Variants in LRP1B observed in about 807,000 individuals in gnomAD.
The protein encoded by LRP1B is LDL receptor related protein 1B.
LRP1B carries 217 observed loss-of-function variants against 556.6 expected under a neutral mutation model. That is an observed-to-expected ratio of 0.39 (90% confidence interval 0.35 to 0.44). The LOEUF (loss-of-function observed/expected upper bound fraction) is 0.44, where lower values mean the gene tolerates loss of function less well. Among genes scored for constraint, LRP1B ranks in the 20% least tolerant of loss-of-function variants. LRP1B has a pLI of 1.00. For synonymous variants in LRP1B, 2,047 were observed against 1,865.8 expected, an observed-to-expected ratio of 1.10 and a Z score of -2.50; for missense variants, 5,053 against 5,620.8, an observed-to-expected ratio of 0.90 and a Z score of 3.23.
intron 4 of LRP1B, among the ~76,000 whole-genome samples, chr2:141,249,093 G>T (rs9287315): frequency 0.27 from 41,738 of 152,054 alleles, 6,203 homozygotes; most frequent in Middle Eastern, 0.44. Context: ...CTGTAGGGCA[G>T]CCTTGAGTAA....
intron 1 of LRP1B, among the ~76,000 whole-genome samples, chr2:142,098,102 A>C (rs898540117): frequency 2.6e-5 from 4 of 151,748 alleles, no homozygotes; most frequent in African/African-American, 9.7e-5. Flanking sequence ...GGAAATGAAG[A>C]GTGTGTGGTT....
intron 35 of LRP1B, among the ~76,000 whole-genome samples, chr2:140,723,113 T>C (rs1174419267): frequency 6.6e-6 from 1 of 152,148 alleles, no homozygotes; most frequent in Non-Finnish European, 1.5e-5. Flanking sequence ...TCATCAATGC[T>C]AAGAGTGTTT....
chr2:140,876,008 G>A (rs896898018), intron 25 of LRP1B, among the ~76,000 whole-genome samples: 5 of 152,048 alleles, frequency 3.3e-5, no homozygotes, highest in African/African-American at 4.8e-5. Context: ...CTCTTTAGAA[G>A]GTGGTTTTAT....
chr2:141,341,430 A>T (rs1235740778), intron 3 of LRP1B, among the ~76,000 whole-genome samples: 1 of 151,990 alleles, frequency 6.6e-6, no homozygotes, highest in Admixed American at 6.6e-5. Context: ...AGAAATAGAG[A>T]TTGGCTTAGA....
chr2:141,370,487 T>A (rs900633100), intron 3 of LRP1B, among the ~76,000 whole-genome samples: 1 of 152,198 alleles, frequency 6.6e-6, no homozygotes, highest in Non-Finnish European at 1.5e-5. Context: ...TACTTTTCAA[T>A]GGGATTATTT....
At chr2:141,046,305 A>C (rs1698868712) in intron 11 of LRP1B, among the ~76,000 whole-genome samples, 1 of 152,124 alleles carries the variant, frequency 6.6e-6, no homozygotes, top group Non-Finnish European at 1.5e-5. Context: ...CGCAGTCTTC[A>C]GGTTGAAAGG....
At chr2:141,842,533 T>C (rs925708954) in intron 1 of LRP1B, among the ~76,000 whole-genome samples, 1 of 152,132 alleles carries the variant, frequency 6.6e-6, no homozygotes, top group Non-Finnish European at 1.5e-5. Flanking sequence ...GGATTTAATG[T>C]ATTATACAAA....
At chr2:142,055,889 G>A (rs1021298901) in intron 1 of LRP1B, among the ~76,000 whole-genome samples, 8 of 152,094 alleles carry the variant, frequency 5.3e-5, no homozygotes, top group African/African-American at 7.2e-5. Context: ...AGTGGCTCAC[G>A]CCTGTAATCC....
intron 72 of LRP1B, among the ~76,000 whole-genome samples, chr2:140,361,379 T>TATATATATATATAA (rs1190166439): frequency 2.3e-5 from 3 of 130,586 alleles, no homozygotes; most frequent in African/African-American, 5.7e-5. Flanking sequence ...TATATATATA[T>TATATATATATATAA]AACAAAAATA....
Position 140,869,334 on chromosome 2 carries a change from G to C in LRP1B, c.4170-1071C>G, listed in dbSNP as rs545179750. ...GCTGAACTGCAGGAGTGAAAGAGCT[G>C]TAATGCTCCTGCTTGCCAAGCTACA... On this transcript the variant is annotated intron_variant, in intron 25 of 90. Transcript: ENST00000389484. Among the ~76,000 whole-genome samples, 21 of 152,206 alleles carry C rather than the reference G, an allele frequency of 1.4e-4. No individual in the cohort carries two copies. The South Asian group carries it at 4.1e-3, about 30-fold the overall frequency.
At chr2:140,738,369 G>A (rs941420873) in intron 35 of LRP1B, among the ~76,000 whole-genome samples, 35 of 152,120 alleles carry the variant, frequency 2.3e-4, no homozygotes, top group African/African-American at 7.0e-4. Flanking sequence ...CTATGGAGGA[G>A]CTATTTCTCA....
chr2:141,386,019 T>C (rs954568166), intron 3 of LRP1B, among the ~76,000 whole-genome samples: 1 of 152,174 alleles, frequency 6.6e-6, no homozygotes, highest in East Asian at 1.9e-4. Flanking sequence ...TGATGGTGAT[T>C]AAAACAACCA....
At chr2:141,590,898 T>G (rs896203355) in intron 2 of LRP1B, among the ~76,000 whole-genome samples, 1 of 152,178 alleles carries the variant, frequency 6.6e-6, no homozygotes, top group African/African-American at 2.4e-5. Context: ...GTTGTTCCTG[T>G]GTGCCTTGTC....
chr2:141,978,797 G>A (rs1018787587), intron 1 of LRP1B, among the ~76,000 whole-genome samples: 1 of 151,828 alleles, frequency 6.6e-6, no homozygotes, highest in Admixed American at 6.6e-5. Flanking sequence ...CATTACTATA[G>A]GTTTGTTTTT....
chr2:140,648,507 T>C (rs1684564047), intron 41 of LRP1B, among the ~76,000 whole-genome samples: 1 of 151,694 alleles, frequency 6.6e-6, no homozygotes, highest in Admixed American at 6.6e-5. Context: ...TGAAATACTG[T>C]GGAGAATGTG....
chr2:140,967,753 C>T (rs1021462710), intron 18 of LRP1B, among the ~76,000 whole-genome samples: 9 of 151,922 alleles, frequency 5.9e-5, no homozygotes, highest in African/African-American at 1.9e-4. Context: ...GCATGAAGTG[C>T]TGTTGAATTT....
chr2:140,334,936 C>T (rs1046290023), intron 78 of LRP1B, among the ~76,000 whole-genome samples: 10 of 151,864 alleles, frequency 6.6e-5, no homozygotes, highest in African/African-American at 1.9e-4. Context: ...TGTATGAACA[C>T]GCTATTTTTT....
At position 141,055,145 on chromosome 2, in the gene LRP1B, T is replaced by C; in HGVS notation, c.1523A>G (p.Asn508Ser). 6.2e-7 allele frequency: 1 copy of C among 1,612,292 alleles called. No individual in the cohort carries two copies. Among genetic ancestry groups the C allele is most frequent in the South Asian group, 1.1e-5 (1 of 91,014 alleles). The stretch of plus-strand genomic sequence containing the variant: ...GCATGACCTGCCATCACTTCCCAAG[T>C]TGAAGCCAGTCCTGCAGCGACAAGT... ...TRTCRCRTGFNLGSDGRSCKR... is the reference protein window; with the variant it reads ...TRTCRCRTGFSLGSDGRSCKR... Residue 508 changes from asparagine (N) to serine (S), a missense_variant, in exon 10 of 91, where the codon AAC (asparagine) becomes AGC (serine). By Grantham distance (46) the Asn-to-Ser change is conservative (BLOSUM62 1). This residue lies in a region of LRP1B where 3,619 missense variants were observed against 3,931.9 expected (regional missense o/e 0.92). Coordinates refer to ENST00000389484, the MANE Select transcript of LRP1B (RefSeq NM_018557.3).
rs560536526 is a variant in LRP1B at position 140,984,659 on chromosome 2, G to C, written c.2771-2383C>G. The stretch of plus-strand genomic sequence containing the variant: ...TGTATGACCCATCTCACGTTGTGAT[G>C]GTGTGGGAATTTGTGTTACCTCATT... On this transcript the variant is annotated intron_variant, in intron 17 of 90. Transcript: ENST00000389484. 3.9e-4 allele frequency among the ~76,000 whole-genome samples: 60 copies of C among 152,170 alleles called. 1 individual carries two copies. The highest frequency in any genetic ancestry group is 1.2e-3 in the African/African-American group (51 of 41,544).
Sources: gnomAD v4.1 joint callset for allele counts (sites outside exome capture counted in the v4.1 genomes callset) on GRCh38, gnomAD v4.1.1 for gene constraint, gnomAD v4.1.1 regional missense constraint, MANE v1.5 for transcripts, NCBI Gene and HGNC (gene_info 2026-07-23, HGNC 2026-07-21) for gene names.